PACRGL: variants seen among roughly 807,000 people sequenced by gnomAD.
PACRGL encodes parkin coregulated like, also known as PACRG-like protein.
A neutral mutation model predicts 34.5 loss-of-function variants in PACRGL; 38 were observed. That is an observed-to-expected ratio of 1.10 (90% CI 0.85 to 1.44). PACRGL has a LOEUF of 1.44. Among genes scored for constraint, PACRGL ranks in the 40% most tolerant of loss-of-function variants. The probability of loss-of-function intolerance (pLI) is 0.00; values close to 1 mark genes in which losing one functional copy is unlikely to be tolerated. For synonymous variants in PACRGL, 128 were observed against 100.1 expected (o/e 1.28, Z -1.66); for missense variants, 305 against 281.4 (o/e 1.08, Z -0.60).
chr4:20,715,960 C>T lies in PACRGL; in HGVS notation c.609+2421C>T, dbSNP rs1044020996. On this transcript the variant is annotated intron_variant, in intron 7 of 8. Transcript: ENST00000503585. ...ACTATGAATGTAAGCAGTGCCCATA[C>T]ACTGTCTTGTGTAATTATATGTTAC... 22 of 669,372 alleles carry T rather than the reference C, an allele frequency of 3.3e-5. No individual in the cohort carries two copies. The South Asian group carries it at 4.5e-4, about 14-fold the overall frequency. 41.5% of individuals were successfully genotyped at this position (669,372 alleles called of 1,614,324 possible).
At chr4:20,749,364 A>G (rs1177137209) in intron 8 of PACRGL, among the ~76,000 whole-genome samples, 1 of 152,166 alleles carries the variant, frequency 6.6e-6, no homozygotes, top group African/African-American at 2.4e-5. Context: ...CAACTGGCCC[A>G]TAAGGAGGTG....
At chr4:20,747,137 C>G (rs558974666) in intron 8 of PACRGL, among the ~76,000 whole-genome samples, 1 of 152,234 alleles carries the variant, frequency 6.6e-6, no homozygotes, top group African/African-American at 2.4e-5. Flanking sequence ...ATTGCAATTA[C>G]TGGTATTTTA....
rs572140896 is a variant in PACRGL, at chr4:20,719,389, C to T, written c.610-5419C>T. On this transcript the variant is annotated intron_variant, in intron 7 of 8. Coordinates refer to ENST00000503585, the MANE Select transcript of PACRGL (RefSeq NM_001258345.3). Reference sequence around the variant, plus strand: ...CTGCTAGCTTTTGAATGTGTTTGCTCTTGCTTCTCTAGTTCTTTTAATTGT... The same window carrying T: ...CTGCTAGCTTTTGAATGTGTTTGCTTTTGCTTCTCTAGTTCTTTTAATTGT... Among the ~76,000 whole-genome samples, 45 of 152,188 alleles carry T rather than the reference C, an allele frequency of 3.0e-4. No homozygotes were observed. The East Asian group carries it at 8.1e-3, about 27-fold the overall frequency.
chr4:20,748,629 A>G (rs1442004813), intron 8 of PACRGL, among the ~76,000 whole-genome samples: 1 of 144,664 alleles, frequency 6.9e-6, no homozygotes, highest in East Asian at 2.0e-4. Context: ...ATAAATGTAT[A>G]TATGGAAAAG....
chr4:20,733,992 G>T (rs1015121135), downstream of PACRGL, among the ~76,000 whole-genome samples: 1 of 152,134 alleles, frequency 6.6e-6, no homozygotes, highest in African/African-American at 2.4e-5. Flanking sequence ...GGGAAGTCTC[G>T]TGAGGCAAAG....
At chr4:20,697,665 C>A (rs1560270178), upstream of PACRGL, among the ~76,000 whole-genome samples, 1 of 152,148 alleles carries the variant, frequency 6.6e-6, no homozygotes, top group Non-Finnish European at 1.5e-5. Flanking sequence ...AAATACCGTA[C>A]ATTGAGTAGC....
At position 20,730,344 on chromosome 4, in the gene PACRGL, A is replaced by G. The variant is rs112908855; in HGVS notation, c.*3003A>G. On this transcript the variant is annotated 3_prime_UTR_variant, in exon 9 of 9. Coordinates refer to ENST00000503585, the MANE Select transcript of PACRGL (RefSeq NM_001258345.3). ...ACCCATTTTATATTTTGTGGAGTCTATTGACCAGGCATTAAACCACTTTAT... is the reference window on the plus strand; with the variant it reads ...ACCCATTTTATATTTTGTGGAGTCTGTTGACCAGGCATTAAACCACTTTAT... Among the ~76,000 whole-genome samples the G allele has an allele frequency of 6.6e-6, 1 of 152,188 alleles. No individual in the cohort carries two copies. The highest frequency in any genetic ancestry group is 1.5e-5 in the Non-Finnish European group (1 of 68,022).
downstream of PACRGL, chr4:20,734,686 T>G: frequency 6.2e-7 from 1 of 1,603,826 alleles, no homozygotes; most frequent in Non-Finnish European, 8.5e-7. Flanking sequence ...CCAATTGAGT[T>G]TTTCTTGTAC....
the PACRGL span, among the ~76,000 whole-genome samples, chr4:20,763,611 C>A: frequency 5.2e-3 from 786 of 152,230 alleles, 6 homozygotes; most frequent in African/African-American, 0.018. Context: ...AGAAAGAAGA[C>A]AAGAATGCAG....
chr4:20,731,536 A>G lies in PACRGL; in HGVS notation c.*4195A>G. On this transcript the variant is annotated 3_prime_UTR_variant, in exon 9 of 9. Transcript: ENST00000503585. ...TGAAGACCATTAGTGAGTTCAGTCA[A>G]AGAGCCATTTCTTGTCCACATACAC... The G allele has an allele frequency of 1.0e-6, 1 of 985,444 alleles. No individual in the cohort carries two copies. The highest frequency in any genetic ancestry group is 1.2e-6 in the Non-Finnish European group (1 of 829,940). The allele number at this position is 985,444 out of a possible 1,614,324, so 61.0% of individuals were successfully genotyped here.
rs981484470 is a variant in PACRGL at position 20,729,599 on chromosome 4, T to TTAAAG, written c.*2261_*2265dup. 1.5e-5 allele frequency: 2 copies of TTAAAG among 129,828 alleles called. No homozygotes were observed. Among genetic ancestry groups the TTAAAG allele is most frequent in the East Asian group, 1.9e-4 (1 of 5,150 alleles). The allele number at this position is 129,828 out of a possible 1,614,324, so 8.0% of individuals were successfully genotyped here. ...TTTTAATTGTTGTAATCTTGTTTCC[T>TTAAAG]TAAAGTATATAAATGGAATTTAAAT... On this transcript the variant is annotated 3_prime_UTR_variant, in exon 9 of 9. Transcript: ENST00000503585.
intron 7 of PACRGL, among the ~76,000 whole-genome samples, chr4:20,722,880 T>G (rs1744010887): frequency 6.6e-6 from 1 of 152,226 alleles, no homozygotes; most frequent in Non-Finnish European, 1.5e-5. Flanking sequence ...CCTGTCTGCA[T>G]TCTTCTGTAT....
rs377267320 is a variant in PACRGL, at chr4:20,714,402, G to A, written c.609+863G>A. Among the ~76,000 whole-genome samples, 4 of 152,118 alleles carry A rather than the reference G, an allele frequency of 2.6e-5. No homozygotes were observed. The East Asian group carries it at 7.7e-4, about 29-fold the overall frequency. On this transcript the variant is annotated intron_variant, in intron 7 of 8. Coordinates refer to ENST00000503585, the MANE Select transcript of PACRGL (RefSeq NM_001258345.3). ...TGAGCCTATGTGTGTCTCTTCATGT[G>A]AGATGGATTTCCTGAATACAGCACA...
intron 1 of PACRGL, among the ~76,000 whole-genome samples, chr4:20,703,828 C>G (rs1288787599): frequency 1.3e-5 from 2 of 152,132 alleles, no homozygotes; most frequent in Non-Finnish European, 1.5e-5. Flanking sequence ...GCCCAAAGCT[C>G]TTTCTTTCTC....
intron 3 of PACRGL, 79 bp from the exon 4 acceptor site, chr4:20,707,724 C>A: frequency 5.1e-6 from 6 of 1,167,124 alleles, no homozygotes; most frequent in Non-Finnish European, 5.1e-6. Context: ...ACCAGCTTGG[C>A]GGTTTGAAAA....
chr4:20,734,782 C>T, downstream of PACRGL: 1 of 1,153,712 alleles, frequency 8.7e-7, no homozygotes, highest in Non-Finnish European at 1.2e-6. Context: ...TTTAAAAAAA[C>T]AAAAACAAAA....
At chr4:20,740,355 A>G (rs1270506266) in intron 8 of PACRGL, among the ~76,000 whole-genome samples, 1 of 152,194 alleles carries the variant, frequency 6.6e-6, no homozygotes, top group Non-Finnish European at 1.5e-5. Context: ...CACAAAGGGA[A>G]GCCCATCAGA....
At chr4:20,740,425 C>G (rs1259386945) in intron 8 of PACRGL, among the ~76,000 whole-genome samples, 1 of 152,074 alleles carries the variant, frequency 6.6e-6, no homozygotes, top group African/African-American at 2.4e-5. Flanking sequence ...GGCCAATATT[C>G]AACACTCTTA....
chr4:20,724,469 T>G (rs1744802428), intron 7 of PACRGL, among the ~76,000 whole-genome samples: 1 of 152,144 alleles, frequency 6.6e-6, no homozygotes, highest in Non-Finnish European at 1.5e-5. Flanking sequence ...TCCCTTTTTA[T>G]TGCAGGAAAA....
Sources: gnomAD v4.1 joint callset for allele counts (sites outside exome capture counted in the v4.1 genomes callset) on GRCh38, gnomAD v4.1.1 for gene constraint, MANE v1.5 for transcripts, NCBI Gene and HGNC (gene_info 2026-07-23, HGNC 2026-07-21) for gene names.